Variants in SPOCK2 observed in about 807,000 individuals in gnomAD.
SPOCK2 encodes SPARC (osteonectin), cwcv and kazal like domains proteoglycan 2.
In SPOCK2, 39 loss-of-function variants were observed where a neutral mutation model predicts 60.1. The ratio of observed to expected loss-of-function variants is 0.65; its 90% CI spans 0.50 to 0.85. The LOEUF (loss-of-function observed/expected upper bound fraction) is 0.85. Among genes scored for constraint, SPOCK2 ranks in the 40% least tolerant of loss-of-function variants. The pLI is 0.00. For synonymous variants in SPOCK2, 217 were observed against 231.5 expected, an observed-to-expected ratio of 0.94 and a Z score of 0.57; for missense variants, 523 against 567.4, an observed-to-expected ratio of 0.92 and a Z score of 0.80.
chr10:72,067,621 G>T lies in SPOCK2; in HGVS notation c.701C>A (p.Pro234Gln). The change falls in exon 7 of 11, where the codon CCG (proline) becomes CAG (glutamine). Residue 234 changes from proline (P) to glutamine (Q), a missense_variant. Transcript: ENST00000373109. ...AGCAGCAAGCTTCCTACCGCTGGCC[G>T]GGCCGGCTACACTGCTGGCTGAGCC... ...QNGSASSVAG[P>Q]ASGLDKSLGA... The T allele has an allele frequency of 6.2e-7, 1 of 1,612,814 alleles. No homozygotes were observed. The highest frequency in any genetic ancestry group is 8.5e-7 in the Non-Finnish European group (1 of 1,180,000).
In SPOCK2 at chr10:72,070,349, G is replaced by A. The variant is rs374723962; in HGVS notation, c.437C>T (p.Ser146Phe). ...CKPCHMAQLA[S>F]VCGSDGHTYS... ...AGTGTGGCCATCTGAGCCGCAGACA[G>A]AGGCAAGCTGGGCCATGTGGCAGGG... The change falls in exon 5 of 11, where the codon TCT (serine) becomes TTT (phenylalanine). Residue 146 changes from serine (S) to phenylalanine (F), a missense_variant. By Grantham distance (155) the Ser-to-Phe change is radical. Transcript: ENST00000373109. 2.4e-5 allele frequency: 38 copies of A among 1,614,096 alleles called. No individual in the cohort carries two copies. The highest frequency in any genetic ancestry group is 3.1e-5 in the Non-Finnish European group (36 of 1,180,036).
intron 1 of SPOCK2, chr10:72,086,515 C>CA (rs1840856774): frequency 2.6e-5 from 29 of 1,119,412 alleles, no homozygotes; most frequent in Non-Finnish European, 3.0e-5. Flanking sequence ...AGGCCAGTGA[C>CA]ACATGGATTC....
rs543146857 is a variant in SPOCK2, at chr10:72,060,022, G to C, written c.*2738C>G. 10 of 152,646 alleles carry C rather than the reference G, an allele frequency of 6.6e-5. No individual in the cohort carries two copies. In the East Asian group the frequency reaches 1.9e-3, roughly 29 times the overall value. 9.5% of individuals were successfully genotyped at this position (152,646 alleles called of 1,614,324 possible). ...CCCTACCTGCCTAAGCCAGGGGAGT[G>C]GGGGCAGGAAGGAGCGAGGCATCGA... On this transcript the variant is annotated 3_prime_UTR_variant, in exon 11 of 11. Coordinates refer to ENST00000373109, the MANE Select transcript of SPOCK2 (RefSeq NM_001244950.2).
In SPOCK2 at chr10:72,059,418, G is replaced by A. The variant is rs985058574; in HGVS notation, c.*3342C>T. 17 of 152,228 alleles carry A rather than the reference G, an allele frequency of 1.1e-4. No individual in the cohort carries two copies. Among genetic ancestry groups the A allele is most frequent in the African/African-American group, 4.1e-4 (17 of 41,446 alleles). 9.4% of individuals were successfully genotyped at this position (152,228 alleles called of 1,614,324 possible). A position where few individuals can be genotyped will look rare whatever the true frequency, so the allele number is the denominator to read the frequency against. ...ATTGCACATCACACAGTTTAAGCAG[G>A]CTTCAGGCTGGAAAGCAGTTTGCTC... On this transcript the variant is annotated 3_prime_UTR_variant, in exon 11 of 11. Coordinates refer to ENST00000373109, the MANE Select transcript of SPOCK2 (RefSeq NM_001244950.2).
At chr10:72,088,013 G>A in intron 1 of SPOCK2, 127 bp downstream of exon 1, 1 of 1,212,838 alleles carries the variant, frequency 8.2e-7, no homozygotes, top group Non-Finnish European at 1.2e-6. Context: ...TTTACTTTCC[G>A]TGTAATTAGC....
In SPOCK2 at chr10:72,087,459, C is replaced by T. The variant is rs909404544; in HGVS notation, c.189+681G>A. Among the ~76,000 whole-genome samples, 1 of 152,176 alleles carries T rather than the reference C, an allele frequency of 6.6e-6. No homozygotes were observed. Among genetic ancestry groups the T allele is most frequent in the African/African-American group, 2.4e-5 (1 of 41,454 alleles). Reference sequence around the variant, plus strand: ...GCTCCCCTCGCTCCAGGCTGGATTCCCCCCTGAAATGTTGGTCCGGGAAAA... The same window carrying T: ...GCTCCCCTCGCTCCAGGCTGGATTCTCCCCTGAAATGTTGGTCCGGGAAAA... On this transcript the variant is annotated intron_variant, in intron 1 of 10. Transcript: ENST00000373109. This position sits in a 1 kb window ranked among gnomAD's most constrained non-coding sequence, Gnocchi z 4.7.
At chr10:72,084,734 T>C (rs1165843961) in intron 1 of SPOCK2, among the ~76,000 whole-genome samples, 2 of 152,212 alleles carry the variant, frequency 1.3e-5, no homozygotes, top group African/African-American at 4.8e-5. Flanking sequence ...TTTGGGTAAA[T>C]TACTTCTCTG....
At chr10:72,076,045 G>T (rs148483150) in intron 1 of SPOCK2, among the ~76,000 whole-genome samples, 1 of 152,156 alleles carries the variant, frequency 6.6e-6, no homozygotes, top group African/African-American at 2.4e-5. Context: ...AGAGACCCCC[G>T]GACTGCAAGT....
intron 8 of SPOCK2, among the ~76,000 whole-genome samples, chr10:72,066,681 A>T (rs1840572478): frequency 6.6e-6 from 1 of 152,102 alleles, no homozygotes; most frequent in African/African-American, 2.4e-5. Flanking sequence ...CAAAATCTGG[A>T]TCCGCCTGGG....
chr10:72,064,566 G>A (rs1455786649), intron 8 of SPOCK2, among the ~76,000 whole-genome samples: 5 of 152,102 alleles, frequency 3.3e-5, no homozygotes, highest in Admixed American at 6.5e-5. Context: ...GAGCCCAGGG[G>A]AACGTAATGC....
In SPOCK2 at chr10:72,064,175, C is replaced by A; in HGVS notation, c.991+3G>T. Reference sequence around the variant, plus strand: ...CCTCTGAGAGCCTGGTCTGGCCCCTCACCTGGCTTCTTCTTGGCGGCCTCC... The same window carrying A: ...CCTCTGAGAGCCTGGTCTGGCCCCTAACCTGGCTTCTTCTTGGCGGCCTCC... On this transcript the variant is annotated splice_donor_region_variant and intron_variant, in intron 9 of 10. Coordinates refer to ENST00000373109, the MANE Select transcript of SPOCK2 (RefSeq NM_001244950.2). The A allele has an allele frequency of 5.0e-6, 8 of 1,612,392 alleles. No homozygotes were observed. Among genetic ancestry groups the A allele is most frequent in the Non-Finnish European group, 6.8e-6 (8 of 1,179,478 alleles).
rs1840877528 is a variant in SPOCK2 at position 72,087,543 on chromosome 10, C to G, written c.189+597G>C. Among the ~76,000 whole-genome samples the G allele has an allele frequency of 6.6e-6, 1 of 152,154 alleles. No homozygotes were observed. Among genetic ancestry groups the G allele is most frequent in the Non-Finnish European group, 1.5e-5 (1 of 68,024 alleles). The stretch of plus-strand genomic sequence containing the variant: ...GGACCCCAGCCCACCCCCGTACGGA[C>G]ACGCCTTCCACCATCTCGCCTAGAA... On this transcript the variant is annotated intron_variant, in intron 1 of 10. Coordinates refer to ENST00000373109, the MANE Select transcript of SPOCK2 (RefSeq NM_001244950.2). This position sits in a 1 kb window ranked among gnomAD's most constrained non-coding sequence, Gnocchi z 4.7.
rs766989779 is a variant in SPOCK2, at chr10:72,088,267, A to C, written c.62T>G (p.Leu21Arg). ...LPLLLLAAAA[L>R]AEGDAKGLKE... is the part of the protein sequence containing the mutation. ...GAGCCCCTTGGCGTCGCCTTCGGCC[A>C]GGGCTGCCGCGGCCAGGAGCAGCAG... is the stretch of plus-strand genomic sequence containing the variant. The change falls in exon 1 of 11, where the codon CTG (leucine) becomes CGG (arginine). Residue 21 changes from leucine (L) to arginine (R), a missense_variant. Transcript: ENST00000373109. 1.2e-6 allele frequency: 2 copies of C among 1,606,438 alleles called. No homozygotes were observed. Among genetic ancestry groups the C allele is most frequent in the South Asian group, 2.2e-5 (2 of 90,474 alleles).
At chr10:72,064,139 C>T in intron 9 of SPOCK2, 39 bp downstream of exon 9, 2 of 1,606,346 alleles carry the variant, frequency 1.2e-6, no homozygotes, top group Non-Finnish European at 1.7e-6. Context: ...AGGAAGCCGT[C>T]CCCACCTCCT....
intron 1 of SPOCK2, among the ~76,000 whole-genome samples, chr10:72,080,822 G>A (rs1840773896): frequency 6.6e-6 from 1 of 152,096 alleles, no homozygotes; most frequent in African/African-American, 2.4e-5. Flanking sequence ...AGCCGGGCTG[G>A]GCCTGGGCTC....
intron 8 of SPOCK2, among the ~76,000 whole-genome samples, chr10:72,065,288 G>A (rs147463163): frequency 9.6e-4 from 141 of 146,308 alleles, no homozygotes; most frequent in African/African-American, 3.2e-3. Flanking sequence ...CACCCACCTC[G>A]GCCTCCCAAA....
intron 1 of SPOCK2, among the ~76,000 whole-genome samples, chr10:72,076,466 GT>G (rs1840716195): frequency 6.6e-6 from 1 of 152,236 alleles, no homozygotes; most frequent in Admixed American, 6.5e-5. Context: ...GTGGTGGCAG[GT>G]GGCTCTGCTG....
At chr10:72,082,662 AG>A (rs973018423) in intron 1 of SPOCK2, among the ~76,000 whole-genome samples, 13 of 151,718 alleles carry the variant, frequency 8.6e-5, no homozygotes, top group Admixed American at 5.3e-4. Flanking sequence ...AAGACCAGCA[AG>A]GGCAACATGG....
chr10:72,066,537 C>T (rs1035776080), intron 8 of SPOCK2, among the ~76,000 whole-genome samples: 14 of 148,920 alleles, frequency 9.4e-5, no homozygotes, highest in African/African-American at 3.0e-4. Flanking sequence ...GAGGAGGTCT[C>T]CCTGTATTGT....
Sources: gnomAD v4.1 joint callset for allele counts (sites outside exome capture counted in the v4.1 genomes callset) on GRCh38, gnomAD v4.1.1 for gene constraint, Gnocchi (gnomAD v3.1) non-coding constraint, MANE v1.5 for transcripts, NCBI Gene and HGNC (gene_info 2026-07-23, HGNC 2026-07-21) for gene names.